Variants in PPP1R14C observed in about 807,000 individuals in gnomAD.
PPP1R14C encodes protein phosphatase 1 regulatory inhibitor subunit 14C.
PPP1R14C carries 16 observed loss-of-function variants against 20.4 expected under a neutral mutation model. That is an observed-to-expected ratio of 0.78 (90% CI 0.53 to 1.19). The LOEUF is 1.19. PPP1R14C is among the 50% of genes most tolerant of loss of function. The probability of loss-of-function intolerance (pLI) is 0.00; values close to 1 mark genes in which losing one functional copy is unlikely to be tolerated. For synonymous variants in PPP1R14C, 91 were observed against 91.0 expected (o/e 1.00, Z 0.00); for missense variants, 211 against 220.1 (o/e 0.96, Z 0.26).
intron 1 of PPP1R14C, among the ~76,000 whole-genome samples, chr6:150,144,731 A>C (rs1777162964): frequency 6.6e-6 from 1 of 152,258 alleles, no homozygotes; most frequent in Non-Finnish European, 1.5e-5. Context: ...ACTACTGATA[A>C]ATGATTATAA....
chr6:150,243,101 A>G (rs982499095), intron 3 of PPP1R14C, among the ~76,000 whole-genome samples: 2 of 152,150 alleles, frequency 1.3e-5, no homozygotes, highest in South Asian at 2.1e-4. Context: ...GTTCTCCCCA[A>G]ATTGATCTAC....
intron 3 of PPP1R14C, among the ~76,000 whole-genome samples, chr6:150,220,581 A>C (rs965933390): frequency 2.0e-5 from 3 of 152,230 alleles, no homozygotes; most frequent in Admixed American, 6.5e-5. Flanking sequence ...AGGAGGCCCC[A>C]TTGGTCGCTG....
chr6:150,166,411 G>T (rs2114864165), intron 1 of PPP1R14C, among the ~76,000 whole-genome samples: 1 of 152,188 alleles, frequency 6.6e-6, no homozygotes, highest in African/African-American at 2.4e-5. Context: ...CTGCCCTCTG[G>T]GGAACAAAAG....
chr6:150,149,110 GA>G (rs1777212877), intron 1 of PPP1R14C, among the ~76,000 whole-genome samples: 1 of 152,100 alleles, frequency 6.6e-6, no homozygotes. Flanking sequence ...ATTGCCAAAG[GA>G]AGGAAAGAAA....
At chr6:150,156,172 C>T (rs1006772105) in intron 1 of PPP1R14C, among the ~76,000 whole-genome samples, 6 of 151,810 alleles carry the variant, frequency 4.0e-5, no homozygotes, top group Non-Finnish European at 8.8e-5. Flanking sequence ...AGTCCTTGCA[C>T]TCTTGGTCTA....
At chr6:150,199,143 G>T (rs991889210) in intron 1 of PPP1R14C, among the ~76,000 whole-genome samples, 1 of 152,060 alleles carries the variant, frequency 6.6e-6, no homozygotes, top group Non-Finnish European at 1.5e-5. Context: ...AGATATGACG[G>T]GTCAGTGGCT....
At chr6:150,188,806 A>G (rs1002917346) in intron 1 of PPP1R14C, among the ~76,000 whole-genome samples, 1 of 151,006 alleles carries the variant, frequency 6.6e-6, no homozygotes, top group Non-Finnish European at 1.5e-5. Context: ...TTCTTATGGG[A>G]CATTTTTTCT....
intron 3 of PPP1R14C, among the ~76,000 whole-genome samples, chr6:150,232,029 A>T (rs1778301928): frequency 6.6e-6 from 1 of 152,214 alleles, no homozygotes; most frequent in Admixed American, 6.5e-5. Context: ...AAATGTTTGC[A>T]CCAGCATGCA....
Position 150,198,401 on chromosome 6 carries a change from C to T in PPP1R14C, c.307-16343C>T, listed in dbSNP as rs533954669. Among the ~76,000 whole-genome samples the T allele has an allele frequency of 1.5e-3, 224 of 152,292 alleles. 2 individuals carry two copies. Among genetic ancestry groups the T allele is most frequent in the Non-Finnish European group, 3.1e-4 (21 of 68,022 alleles). ...GCTTTGTGTGTCCCTGCTGTGGCTGCGTGGTTGTCAGGTGACCATCCTCTC... is the reference window on the plus strand; with the variant it reads ...GCTTTGTGTGTCCCTGCTGTGGCTGTGTGGTTGTCAGGTGACCATCCTCTC... On this transcript the variant is annotated intron_variant, in intron 1 of 3. Transcript: ENST00000361131.
chr6:150,151,413 G>A (rs1403391850), intron 1 of PPP1R14C, among the ~76,000 whole-genome samples: 2 of 152,134 alleles, frequency 1.3e-5, no homozygotes, highest in African/African-American at 4.8e-5. Context: ...AAGTCTTGTT[G>A]ATGCTCCTAC....
At chr6:150,165,453 G>A (rs1777412522) in intron 1 of PPP1R14C, among the ~76,000 whole-genome samples, 1 of 152,216 alleles carries the variant, frequency 6.6e-6, no homozygotes, top group South Asian at 2.1e-4. Flanking sequence ...AAGTCCTTGG[G>A]GAAGGCTGGT....
chr6:150,150,806 C>G (rs928818405), intron 1 of PPP1R14C, among the ~76,000 whole-genome samples: 4 of 152,134 alleles, frequency 2.6e-5, no homozygotes, highest in Admixed American at 2.0e-4. Context: ...TTCAACCTCT[C>G]TGGCCCATTC....
intron 3 of PPP1R14C, among the ~76,000 whole-genome samples, chr6:150,218,986 GT>G (rs57690424): frequency 2.0e-5 from 3 of 149,368 alleles, no homozygotes; most frequent in African/African-American, 7.4e-5. Context: ...TGCATTTACT[GT>G]TTTTTTTTCA....
intron 1 of PPP1R14C, among the ~76,000 whole-genome samples, chr6:150,189,455 G>C (rs918235072): frequency 6.6e-6 from 1 of 152,084 alleles, no homozygotes; most frequent in Non-Finnish European, 1.5e-5. Flanking sequence ...CCATTTCTCA[G>C]GGCCACTGTT....
chr6:150,228,493 T>G (rs761186845), intron 3 of PPP1R14C, among the ~76,000 whole-genome samples: 2 of 152,148 alleles, frequency 1.3e-5, no homozygotes, highest in Non-Finnish European at 2.9e-5. Context: ...AGCAGTGATG[T>G]GTGACAATAT....
At chr6:150,224,737 A>G (rs1046650735) in intron 3 of PPP1R14C, among the ~76,000 whole-genome samples, 1 of 152,214 alleles carries the variant, frequency 6.6e-6, no homozygotes, top group African/African-American at 2.4e-5. Flanking sequence ...GATAATTCCA[A>G]CATTCCTGCT....
chr6:150,182,119 A>G (rs558305816), intron 1 of PPP1R14C, among the ~76,000 whole-genome samples: 1 of 128,038 alleles, frequency 7.8e-6, no homozygotes, highest in South Asian at 2.9e-4. Context: ...CATTTTCATG[A>G]AATTGGTATG....
chr6:150,235,725 T>G (rs927465113), intron 3 of PPP1R14C, among the ~76,000 whole-genome samples: 1 of 152,130 alleles, frequency 6.6e-6, no homozygotes, highest in African/African-American at 2.4e-5. Flanking sequence ...CTGCTTTGCC[T>G]CCTTCTTAAA....
chr6:150,194,708 T>C, intron 1 of PPP1R14C: 1 of 985,472 alleles, frequency 1.0e-6, no homozygotes, highest in Non-Finnish European at 1.2e-6. Context: ...AATGATTTGC[T>C]TGTTCAGCTA....
Sources: gnomAD v4.1 joint callset for allele counts (sites outside exome capture counted in the v4.1 genomes callset) on GRCh38, gnomAD v4.1.1 for gene constraint, MANE v1.5 for transcripts, NCBI Gene and HGNC (gene_info 2026-07-23, HGNC 2026-07-21) for gene names.